CHST11: variants seen among roughly 807,000 people sequenced by gnomAD.
The protein encoded by CHST11 is C4S-1.
CHST11 carries 9 observed loss-of-function variants against 30.4 expected under a neutral mutation model. That is an observed-to-expected ratio of 0.30 (90% CI 0.18 to 0.52). The LOEUF (loss-of-function observed/expected upper bound fraction) is 0.52. Among genes scored for constraint, CHST11 ranks in the 20% least tolerant of loss-of-function variants. The pLI, the probability that CHST11 is intolerant of heterozygous loss-of-function variation, is 0.97. For missense variants in CHST11, 348 were observed against 460.6 expected, an observed-to-expected ratio of 0.76 and a Z score of 2.24; for synonymous variants, 152 against 187.8, an observed-to-expected ratio of 0.81 and a Z score of 1.56.
intron 1 of CHST11, among the ~76,000 whole-genome samples, chr12:104,587,235 T>C (rs1202872302): frequency 6.6e-6 from 1 of 152,238 alleles, no homozygotes; most frequent in East Asian, 1.9e-4. Flanking sequence ...CTTCTATTCA[T>C]AAGCCTTCAA....
At chr12:104,727,652 G>C (rs1432541903) in intron 2 of CHST11, among the ~76,000 whole-genome samples, 1 of 152,130 alleles carries the variant, frequency 6.6e-6, no homozygotes, top group African/African-American at 2.4e-5. Flanking sequence ...TTTTATAATC[G>C]AGTATAGACA....
chr12:104,555,751 C>A (rs77144314), intron 1 of CHST11, among the ~76,000 whole-genome samples: 4,576 of 152,318 alleles, frequency 0.03, 234 homozygotes, highest in African/African-American at 0.1. Context: ...ATTGTCTTCC[C>A]TGGAGCCAAC....
chr12:104,694,551 CCT>C (rs1214463704), intron 2 of CHST11, among the ~76,000 whole-genome samples: 2 of 152,082 alleles, frequency 1.3e-5, no homozygotes, highest in African/African-American at 4.8e-5. Flanking sequence ...AGCACAGCCC[CCT>C]GTTTTGACGC....
At chr12:104,599,362 G>A (rs1310026138) in intron 1 of CHST11, among the ~76,000 whole-genome samples, 2 of 152,178 alleles carry the variant, frequency 1.3e-5, no homozygotes, top group African/African-American at 2.4e-5. Flanking sequence ...TTTTCACCGC[G>A]CGGTCCCGGA....
intron 2 of CHST11, among the ~76,000 whole-genome samples, chr12:104,699,062 A>G (rs1032250913): frequency 6.6e-6 from 1 of 152,222 alleles, no homozygotes; most frequent in Non-Finnish European, 1.5e-5. Flanking sequence ...TGCTTCCAAA[A>G]TGACTAGTTG....
chr12:104,559,807 G>A (rs2038495592), intron 1 of CHST11, among the ~76,000 whole-genome samples: 1 of 152,092 alleles, frequency 6.6e-6, no homozygotes, highest in Non-Finnish European at 1.5e-5. Flanking sequence ...CATAATTTGG[G>A]GTAATGAAGA....
intron 2 of CHST11, among the ~76,000 whole-genome samples, chr12:104,616,558 C>A (rs1045160569): frequency 6.6e-6 from 1 of 152,026 alleles, no homozygotes; most frequent in Non-Finnish European, 1.5e-5. Context: ...CTCTGCCTCC[C>A]GGGTTCAAGC....
chr12:104,620,937 A>C (rs1254752865), intron 2 of CHST11, among the ~76,000 whole-genome samples: 1 of 152,244 alleles, frequency 6.6e-6, no homozygotes. Context: ...AGAAGTGATA[A>C]GTATCTTGTT....
chr12:104,650,150 C>T (rs572596497), intron 2 of CHST11, among the ~76,000 whole-genome samples: 7 of 152,336 alleles, frequency 4.6e-5, no homozygotes, highest in South Asian at 4.1e-4. Flanking sequence ...ACTCTATCTT[C>T]AGCACTGGAT....
intron 2 of CHST11, among the ~76,000 whole-genome samples, chr12:104,730,605 AGAG>A (rs2040249324): frequency 6.6e-6 from 1 of 152,174 alleles, no homozygotes; most frequent in African/African-American, 2.4e-5. Context: ...CGACGGGCCC[AGAG>A]GAGGAGACAC....
chr12:104,563,571 G>A (rs2136018253), intron 1 of CHST11, among the ~76,000 whole-genome samples: 1 of 152,334 alleles, frequency 6.6e-6, no homozygotes, highest in African/African-American at 2.4e-5. Context: ...AGTGTGCCAT[G>A]CATGAATTCT....
chr12:104,500,903 C>T (rs187930981), intron 1 of CHST11, among the ~76,000 whole-genome samples: 6 of 152,188 alleles, frequency 3.9e-5, no homozygotes, highest in Admixed American at 2.6e-4. Flanking sequence ...AGGAAGTTCC[C>T]TAGGCTCTGA....
At chr12:104,475,431 G>C (rs1483215569) in intron 1 of CHST11, among the ~76,000 whole-genome samples, 1 of 151,752 alleles carries the variant, frequency 6.6e-6, no homozygotes, top group African/African-American at 2.4e-5. Flanking sequence ...CTGGGCTCTG[G>C]TCATTTGTTC....
intron 2 of CHST11, among the ~76,000 whole-genome samples, chr12:104,615,601 C>T (rs1328913476): frequency 6.6e-6 from 1 of 152,214 alleles, no homozygotes; most frequent in Non-Finnish European, 1.5e-5. Context: ...TTCTTACCAG[C>T]TCTGTGCCTC....
Position 104,757,008 on chromosome 12 carries a change from G to A in CHST11, c.264G>A (p.Thr88=), listed in dbSNP as rs144681505. ...TGCGGCGGGACCAGGTGACAGACAC[G>A]TGCCGAGCCAACAGCGCCACAAGCC... ...HQMRRDQVTD[T]CRANSATSRK... is the part of the protein sequence containing the mutation. The change falls in exon 3 of 3, where the codon ACG becomes ACA. Residue 88 remains threonine (T), a synonymous_variant. Coordinates refer to ENST00000303694, the MANE Select transcript of CHST11 (RefSeq NM_018413.6). The surrounding 1 kb of genome is among the most constrained non-coding windows in gnomAD (Gnocchi z 6.5). 22 of 1,613,344 alleles carry A rather than the reference G, an allele frequency of 1.4e-5. No individual in the cohort carries two copies. Among genetic ancestry groups the A allele is most frequent in the South Asian group, 1.1e-4 (10 of 91,080 alleles).
At chr12:104,629,819 A>G (rs2039254664) in intron 2 of CHST11, among the ~76,000 whole-genome samples, 2 of 152,226 alleles carry the variant, frequency 1.3e-5, no homozygotes, top group Admixed American at 1.3e-4. Context: ...ATGGGACTCC[A>G]TCTCAAAATT....
chr12:104,499,590 T>C (rs1311833254), intron 1 of CHST11, among the ~76,000 whole-genome samples: 1 of 152,176 alleles, frequency 6.6e-6, no homozygotes, highest in Non-Finnish European at 1.5e-5. Flanking sequence ...AAATTCATCC[T>C]GGTGGGTCAT....
At chr12:104,571,572 A>G (rs1476596468) in intron 1 of CHST11, among the ~76,000 whole-genome samples, 2 of 152,224 alleles carry the variant, frequency 1.3e-5, no homozygotes, top group African/African-American at 4.8e-5. Flanking sequence ...CACTTTGATC[A>G]GAGAGGGTCA....
intron 1 of CHST11, among the ~76,000 whole-genome samples, chr12:104,520,749 A>G (rs1352867901): frequency 6.6e-6 from 1 of 152,084 alleles, no homozygotes; most frequent in East Asian, 1.9e-4. Flanking sequence ...GGGAGCGGGG[A>G]TGGCAGGGGC....
Sources: gnomAD v4.1 joint callset for allele counts (sites outside exome capture counted in the v4.1 genomes callset) on GRCh38, gnomAD v4.1.1 for gene constraint, Gnocchi (gnomAD v3.1) non-coding constraint, MANE v1.5 for transcripts, NCBI Gene and HGNC (gene_info 2026-07-23, HGNC 2026-07-21) for gene names.